The following MALRD1 variants were observed in gnomAD, a reference collection of about 807,000 sequenced individuals.
MALRD1 encodes the protein MAM and LDL-receptor class A domain-containing protein 1.
A neutral mutation model predicts 242.1 loss-of-function variants in MALRD1; 247 were observed. That is an observed-to-expected ratio of 1.02 (90% CI 0.92 to 1.13). MALRD1 has a LOEUF of 1.13. Ranked by LOEUF, MALRD1 falls within the 50% of genes most tolerant of loss-of-function variation. The pLI is 0.00. For missense variants in MALRD1, 2,989 were observed against 2,533.1 expected (o/e 1.18, Z -3.86); for synonymous variants, 995 against 866.6 (o/e 1.15, Z -2.60).
intron 26 of MALRD1, among the ~76,000 whole-genome samples, chr10:19,370,609 G>T (rs1033277384): frequency 2.0e-5 from 3 of 151,920 alleles, no homozygotes; most frequent in Admixed American, 1.3e-4. Flanking sequence ...AGTCTCACTG[G>T]CTCTGTTGCC....
chr10:19,388,550 T>C (rs1246439324), intron 27 of MALRD1, among the ~76,000 whole-genome samples: 1 of 152,124 alleles, frequency 6.6e-6, no homozygotes, highest in Non-Finnish European at 1.5e-5. Context: ...GATGATAAAA[T>C]TTGACCTGTG....
intron 12 of MALRD1, among the ~76,000 whole-genome samples, chr10:19,163,537 G>A (rs891885135): frequency 6.6e-6 from 1 of 151,994 alleles, no homozygotes; most frequent in African/African-American, 2.4e-5. Flanking sequence ...GAGCAGAAAA[G>A]ATAACTATTG....
At chr10:19,403,940 A>G (rs1264999695) in intron 28 of MALRD1, among the ~76,000 whole-genome samples, 1 of 152,180 alleles carries the variant, frequency 6.6e-6, no homozygotes, top group Non-Finnish European at 1.5e-5. Flanking sequence ...AATATAAAAC[A>G]TAAGAAAACA....
intron 21 of MALRD1, among the ~76,000 whole-genome samples, chr10:19,302,248 T>C (rs2499085): frequency 0.91 from 137,404 of 151,814 alleles, 62,452 homozygotes; most frequent in East Asian, 1. Flanking sequence ...CTCAGCAGTT[T>C]CTCAACCAAT....
intron 19 of MALRD1, among the ~76,000 whole-genome samples, chr10:19,269,414 G>A (rs926057456): frequency 2.6e-5 from 4 of 152,228 alleles, no homozygotes; most frequent in African/African-American, 9.6e-5. Context: ...TGAGTTAAGA[G>A]TGTGATACTT....
chr10:19,482,962 C>G (rs973374234), intron 29 of MALRD1, among the ~76,000 whole-genome samples: 1 of 151,826 alleles, frequency 6.6e-6, no homozygotes, highest in Non-Finnish European at 1.5e-5. Context: ...CCATATGGAA[C>G]CATAAAAGAG....
At chr10:19,420,300 C>A (rs545404853) in intron 28 of MALRD1, among the ~76,000 whole-genome samples, 1 of 151,894 alleles carries the variant, frequency 6.6e-6, no homozygotes, top group East Asian at 1.9e-4. Context: ...AGTAGGTAAT[C>A]GGAATGAGTC....
At chr10:19,197,248 A>G (rs1382570531) in intron 14 of MALRD1, among the ~76,000 whole-genome samples, 1 of 152,180 alleles carries the variant, frequency 6.6e-6, no homozygotes, top group African/African-American at 2.4e-5. Context: ...CGTGAGAATT[A>G]CAATTCAAGA....
chr10:19,415,429 TTTG>T (rs1193534209), intron 28 of MALRD1, among the ~76,000 whole-genome samples: 1 of 152,186 alleles, frequency 6.6e-6, no homozygotes, highest in Non-Finnish European at 1.5e-5. Context: ...TAATTTTTTA[TTTG>T]TTGTTAAGAT....
chr10:19,466,833 C>T (rs1373598823), intron 29 of MALRD1, among the ~76,000 whole-genome samples: 1 of 152,058 alleles, frequency 6.6e-6, no homozygotes, highest in Non-Finnish European at 1.5e-5. Flanking sequence ...TAATTTTATA[C>T]AATATTTTAA....
chr10:19,171,786 A>G (rs1834979732), intron 13 of MALRD1, among the ~76,000 whole-genome samples: 1 of 144,502 alleles, frequency 6.9e-6, no homozygotes, highest in South Asian at 2.1e-4. Context: ...TATATATCAT[A>G]TATACATATA....
intron 1 of MALRD1, among the ~76,000 whole-genome samples, chr10:19,050,268 T>A (rs555881184): frequency 3.3e-5 from 5 of 150,952 alleles, no homozygotes; most frequent in African/African-American, 1.2e-4. Flanking sequence ...TTTGTATTTT[T>A]AGTAGAGACG....
chr10:19,578,166 A>T (rs1042372479), intron 33 of MALRD1, among the ~76,000 whole-genome samples: 2 of 151,714 alleles, frequency 1.3e-5, no homozygotes, highest in African/African-American at 2.4e-5. Flanking sequence ...AAATAGAAAA[A>T]CAAGAGACTT....
chr10:19,489,317 G>T (rs1022908351), intron 29 of MALRD1: 2 of 523,408 alleles, frequency 3.8e-6, no homozygotes, highest in East Asian at 5.3e-5. Flanking sequence ...AAGTAAAGAA[G>T]AGTTAACTGC....
chr10:19,453,768 C>A (rs918595110), intron 29 of MALRD1, among the ~76,000 whole-genome samples: 1 of 151,922 alleles, frequency 6.6e-6, no homozygotes, highest in Non-Finnish European at 1.5e-5. Context: ...CCCAGCTACT[C>A]AGCAGGCTGA....
intron 36 of MALRD1, among the ~76,000 whole-genome samples, chr10:19,647,362 G>A (rs1030655236): frequency 6.6e-6 from 1 of 152,140 alleles, no homozygotes; most frequent in East Asian, 1.9e-4. Context: ...GCCTGTTAGA[G>A]GGAAACCAAG....
rs187826141 is a variant in MALRD1, at chr10:19,291,883, A to G, written c.3419+8702A>G. ...GTGGATCACTTGATGTCAGGAGGTC[A>G]AGACCAGCTTGGTCAACTTGGTGAA... On this transcript the variant is annotated intron_variant, in intron 21 of 39. Transcript: ENST00000454679. Among the ~76,000 whole-genome samples the G allele has an allele frequency of 6.0e-3, 917 of 151,908 alleles. 6 individuals carry two copies. The highest frequency in any genetic ancestry group is 0.011 in the Non-Finnish European group (716 of 67,892).
At chr10:19,065,311 G>GAAAAAAAAAAAA (rs1590378950) in intron 1 of MALRD1, among the ~76,000 whole-genome samples, 2 of 103,264 alleles carry the variant, frequency 1.9e-5, no homozygotes, top group African/African-American at 7.6e-5. Context: ...AAAAAAAAAG[G>GAAAAAAAAAAAA]AAGAAAGAAA....
At chr10:19,358,748 C>CT (rs1844759604) in intron 26 of MALRD1, among the ~76,000 whole-genome samples, 1 of 152,106 alleles carries the variant, frequency 6.6e-6, no homozygotes, top group Non-Finnish European at 1.5e-5. Context: ...TTGTGTGTTA[C>CT]TTTTTTTGCC....
Sources: allele counts gnomAD v4.1 joint callset (sites outside exome capture counted in the v4.1 genomes callset), GRCh38; gene constraint gnomAD v4.1.1; transcripts MANE v1.5; gene names NCBI Gene and HGNC (gene_info 2026-07-23, HGNC 2026-07-21).